SLAIN1: variants seen among roughly 807,000 people sequenced by gnomAD.
SLAIN1 encodes SLAIN family member 1.
In SLAIN1, 17 loss-of-function variants were observed where a neutral mutation model predicts 55.4. The observed-to-expected ratio is 0.31, with a 90% CI of 0.21 to 0.46. The LOEUF (loss-of-function observed/expected upper bound fraction) is 0.46, where lower values mean the gene tolerates loss of function less well. Ranked by LOEUF, SLAIN1 falls within the 20% of genes least tolerant of loss-of-function variation. The probability of loss-of-function intolerance (pLI) is 1.00; values close to 1 mark genes in which losing one functional copy is unlikely to be tolerated. For missense variants in SLAIN1, 682 were observed against 785.1 expected, an observed-to-expected ratio of 0.87 and a Z score of 1.57; for synonymous variants, 348 against 337.4, an observed-to-expected ratio of 1.03 and a Z score of -0.35.
chr13:77,756,294 A>G (rs1181643366), intron 5 of SLAIN1, among the ~76,000 whole-genome samples: 2 of 152,054 alleles, frequency 1.3e-5, no homozygotes, highest in East Asian at 3.9e-4. Context: ...GACTCTGCAG[A>G]TCAATTTTTG....
At chr13:77,761,231 A>G (rs992436922) in intron 6 of SLAIN1, 121 bp downstream of exon 6, 5 of 926,506 alleles carry the variant, frequency 5.4e-6, no homozygotes, top group Non-Finnish European at 8.1e-6. Context: ...TTATGGCCTG[A>G]CTTGTGCTCT....
chr13:77,709,628 C>T (rs2091126561), intron 1 of SLAIN1, among the ~76,000 whole-genome samples: 1 of 152,164 alleles, frequency 6.6e-6, no homozygotes, highest in Non-Finnish European at 1.5e-5. Flanking sequence ...GAATTTTCAA[C>T]CCAGAATTTC....
Position 77,698,253 on chromosome 13 carries a change from A to G in SLAIN1, c.340A>G (p.Ser114Gly). The G allele has an allele frequency of 7.2e-7, 1 of 1,392,096 alleles. No homozygotes were observed. The highest frequency in any genetic ancestry group is 9.4e-7 in the Non-Finnish European group (1 of 1,067,948). 86.2% of individuals were successfully genotyped at this position (1,392,096 alleles called of 1,614,324 possible). A position where few individuals can be genotyped will look rare whatever the true frequency, so the allele number is the denominator to read the frequency against. ...GGGCGGTGGCGGCAGCGGTAGTGGC[A>G]GCGGCGGTGGCTCCAGCCCCGCGTT... ...AGGGGGSGSG[S>G]GGGSSPAFPG... Residue 114 changes from serine to glycine, a missense_variant, in exon 1 of 7, where the codon AGC becomes GGC. Physicochemically the swap from Ser to Gly is moderately conservative, Grantham distance 56. Around this residue, in one of 3 missense-constraint regions of SLAIN1, gnomAD observed 401 missense variants for 417.3 expected, o/e 0.96. Transcript: ENST00000418532. The surrounding 1 kb of genome is among the most constrained non-coding windows in gnomAD (Gnocchi z 4.1).
In SLAIN1 at chr13:77,763,263, T is replaced by G; in HGVS notation, c.*43T>G. 6.6e-7 allele frequency: 1 copy of G among 1,520,196 alleles called. No individual in the cohort carries two copies. 94.2% of individuals were successfully genotyped at this position (1,520,196 alleles called of 1,614,324 possible). A position where few individuals can be genotyped will look rare whatever the true frequency, so the allele number is the denominator to read the frequency against. ...TTGAAAAATGGGAAAGAAGTAAAAA[T>G]GAGGGTTGTGTTACCTAGCTGGCTG... On this transcript the variant is annotated 3_prime_UTR_variant, in exon 7 of 7. Transcript: ENST00000418532.
intron 5 of SLAIN1, among the ~76,000 whole-genome samples, chr13:77,753,913 A>C (rs923888253): frequency 6.6e-6 from 1 of 152,068 alleles, no homozygotes; most frequent in African/African-American, 2.4e-5. Context: ...CTTACCCCAC[A>C]TTCTGTTACT....
At position 77,753,359 on chromosome 13, in the gene SLAIN1, G is replaced by A; in HGVS notation, c.1414+1G>A. 6.4e-7 allele frequency: 1 copy of A among 1,553,028 alleles called. No homozygotes were observed. Among genetic ancestry groups the A allele is most frequent in the Non-Finnish European group, 8.7e-7 (1 of 1,143,646 alleles). ...GGAATTTCAAGAATACAATCTTGTA[G>A]TGAGTATAATTATTTGATATAATTA... On this transcript the variant is annotated splice_donor_variant, in intron 5 of 6. Coordinates refer to ENST00000418532, the MANE Select transcript of SLAIN1 (RefSeq NM_001242868.2). LOFTEE classifies it high-confidence loss of function.
intron 1 of SLAIN1, among the ~76,000 whole-genome samples, chr13:77,715,901 A>G (rs760358848): frequency 7.2e-5 from 11 of 152,270 alleles, no homozygotes; most frequent in Non-Finnish European, 1.2e-4. Flanking sequence ...TTTCAAAAAG[A>G]AAAGTTTTTA....
intron 1 of SLAIN1, among the ~76,000 whole-genome samples, chr13:77,713,619 C>T (rs1360784893): frequency 1.3e-4 from 20 of 152,172 alleles, no homozygotes; most frequent in Admixed American, 2.6e-4. Flanking sequence ...GTGGCGATTC[C>T]TCAAGGATCT....
chr13:77,740,894 T>C (rs547580133), intron 2 of SLAIN1, among the ~76,000 whole-genome samples: 1 of 152,190 alleles, frequency 6.6e-6, no homozygotes, highest in East Asian at 1.9e-4. Context: ...TGGGCACTAG[T>C]GGAGCATTAT....
chr13:77,727,504 C>CAAA (rs527496050), intron 2 of SLAIN1, among the ~76,000 whole-genome samples: 31 of 120,320 alleles, frequency 2.6e-4, no homozygotes, highest in East Asian at 4.7e-4. Flanking sequence ...CTAGCCAAGC[C>CAAA]AAAAAAAAAA....
chr13:77,705,980 C>T (rs2091085437), intron 1 of SLAIN1, among the ~76,000 whole-genome samples: 1 of 152,058 alleles, frequency 6.6e-6, no homozygotes, highest in African/African-American at 2.4e-5. Flanking sequence ...ATTTGTATAG[C>T]ACCTCAACAG....
At position 77,761,173 on chromosome 13, in the gene SLAIN1, C is replaced by T. The variant is rs76313749; in HGVS notation, c.1697+63C>T. On this transcript the variant is annotated intron_variant, in intron 6 of 6. Coordinates refer to ENST00000418532, the MANE Select transcript of SLAIN1 (RefSeq NM_001242868.2). ...GGAACTAGAAACTGCTCCAGACACA[C>T]GCTGACTTTTCCTTTGGCTCACTTT... 2,090 of 1,520,952 alleles carry T rather than the reference C, an allele frequency of 1.4e-3. 43 individuals are homozygous for T. The East Asian group carries it at 0.041, about 30-fold the overall frequency. 94.2% of individuals were successfully genotyped at this position (1,520,952 alleles called of 1,614,324 possible). A position where few individuals can be genotyped will look rare whatever the true frequency, so the allele number is the denominator to read the frequency against.
intron 4 of SLAIN1, among the ~76,000 whole-genome samples, chr13:77,749,703 T>C (rs1364357326): frequency 6.6e-6 from 1 of 152,206 alleles, no homozygotes; most frequent in Non-Finnish European, 1.5e-5. Flanking sequence ...CCCTGAACTT[T>C]AAAGAATATG....
Position 77,698,794 on chromosome 13 carries a change from C to T in SLAIN1, c.626+255C>T. The stretch of plus-strand genomic sequence containing the variant: ...CCGGCCCCCCCTTCCCCCCATCTGC[C>T]ATGGGTTCTGCTATTTGCTGATTGT... On this transcript the variant is annotated intron_variant, in intron 1 of 6. Transcript: ENST00000418532. The surrounding 1 kb of genome is among the most constrained non-coding windows in gnomAD (Gnocchi z 4.1). 4 of 1,323,800 alleles carry T rather than the reference C, an allele frequency of 3.0e-6. No homozygotes were observed. Among genetic ancestry groups the T allele is most frequent in the Non-Finnish European group, 4.0e-6 (4 of 993,926 alleles). The allele number at this position is 1,323,800 out of a possible 1,614,324, so 82.0% of individuals were successfully genotyped here. A position where few individuals can be genotyped will look rare whatever the true frequency, so the allele number is the denominator to read the frequency against.
At position 77,763,450 on chromosome 13, in the gene SLAIN1, A is replaced by T. The variant is rs1875217842; in HGVS notation, c.*230A>T. 1 of 516,294 alleles carries T rather than the reference A, an allele frequency of 1.9e-6. No individual in the cohort carries two copies. Among genetic ancestry groups the T allele is most frequent in the African/African-American group, 1.9e-5 (1 of 52,272 alleles). 32.0% of individuals were successfully genotyped at this position (516,294 alleles called of 1,614,324 possible). A position where few individuals can be genotyped will look rare whatever the true frequency, so the allele number is the denominator to read the frequency against. On this transcript the variant is annotated 3_prime_UTR_variant, in exon 7 of 7. Coordinates refer to ENST00000418532, the MANE Select transcript of SLAIN1 (RefSeq NM_001242868.2). ...CCATGGTTGCAGTATTGTGACACTT[A>T]GATCTAGGAAGTTTTTGTAGAACTG... is the stretch of plus-strand genomic sequence containing the variant.
rs1033497169 is a variant in SLAIN1 at position 77,763,129 on chromosome 13, TC to T, written c.1698-15del. On this transcript the variant is annotated splice_polypyrimidine_tract_variant and intron_variant, in intron 6 of 6. Transcript: ENST00000418532. Reference sequence around the variant, plus strand: ...TATTAACAATCTCTCTCTCTGTTTTTCTTGTCTCTTTTTAGTTTTCTTCAGC... The same window carrying T: ...TATTAACAATCTCTCTCTCTGTTTTTTTGTCTCTTTTTAGTTTTCTTCAGC... 3.1e-6 allele frequency: 5 copies of T among 1,608,712 alleles called. No homozygotes were observed. Among genetic ancestry groups the T allele is most frequent in the Non-Finnish European group, 3.4e-6 (4 of 1,175,304 alleles).
At chr13:77,730,648 A>G (rs1872812256) in intron 2 of SLAIN1, among the ~76,000 whole-genome samples, 1 of 152,070 alleles carries the variant, frequency 6.6e-6, no homozygotes, top group African/African-American at 2.4e-5. Flanking sequence ...GCTCTTGTCA[A>G]TTTGTGAGTT....
intron 3 of SLAIN1, among the ~76,000 whole-genome samples, chr13:77,745,262 C>T (rs1300148811): frequency 6.6e-6 from 1 of 151,892 alleles, no homozygotes; most frequent in Non-Finnish European, 1.5e-5. Flanking sequence ...CACACACCTG[C>T]GATAATCTGA....
intron 5 of SLAIN1, among the ~76,000 whole-genome samples, chr13:77,754,749 G>A (rs549458351): frequency 5.9e-5 from 9 of 152,200 alleles, no homozygotes; most frequent in African/African-American, 1.9e-4. Context: ...GTTATTCAAT[G>A]TACCATGTTT....
Sources: allele counts gnomAD v4.1 joint callset (sites outside exome capture counted in the v4.1 genomes callset), GRCh38; gene constraint gnomAD v4.1.1; regional missense constraint gnomAD v4.1.1; non-coding constraint Gnocchi (gnomAD v3.1); transcripts MANE v1.5; gene names NCBI Gene and HGNC (gene_info 2026-07-23, HGNC 2026-07-21).